SGCE: variants seen among roughly 807,000 people sequenced by gnomAD.
The protein encoded by SGCE is epsilon-sarcoglycan.
A neutral mutation model predicts 57.8 loss-of-function variants in SGCE; 26 were observed. That is an observed-to-expected ratio of 0.45 (90% CI 0.33 to 0.62). The LOEUF (loss-of-function observed/expected upper bound fraction) is 0.62, where lower values mean the gene tolerates loss of function less well. Among genes scored for constraint, SGCE ranks in the 20% least tolerant of loss-of-function variants. The probability of loss-of-function intolerance (pLI) is 0.02; values close to 1 mark genes in which losing one functional copy is unlikely to be tolerated. For missense variants in SGCE, 468 were observed against 548.6 expected (o/e 0.85, Z 1.47); for synonymous variants, 183 against 189.5 (o/e 0.97, Z 0.28).
chr7:94,641,362 A>T (rs917461212), intron 1 of SGCE, among the ~76,000 whole-genome samples: 4 of 152,366 alleles, frequency 2.6e-5, no homozygotes, highest in East Asian at 3.9e-4. Flanking sequence ...TGGTCAGAAT[A>T]GGGAAGCAAA....
intron 5 of SGCE, among the ~76,000 whole-genome samples, chr7:94,608,960 C>A (rs752082573): frequency 5.9e-5 from 9 of 152,068 alleles, no homozygotes; most frequent in Non-Finnish European, 1.0e-4. Context: ...AACTATGAAA[C>A]TTCTAGAAGA....
chr7:94,586,078 A>AC (rs1271543982), intron 10 of SGCE, among the ~76,000 whole-genome samples: 21 of 150,324 alleles, frequency 1.4e-4, no homozygotes, highest in Non-Finnish European at 2.4e-4. Flanking sequence ...AAAAAAAAAA[A>AC]AAAAAAAAAC....
At chr7:94,628,155 C>CACACAT (rs936683964) in intron 3 of SGCE, 47 bp downstream of exon 3, 1 of 1,440,116 alleles carries the variant, frequency 6.9e-7, no homozygotes, top group African/African-American at 1.4e-5. Flanking sequence ...CACACACACA[C>CACACAT]ACACACACAT....
chr7:94,629,548 T>A, intron 2 of SGCE, 171 bp downstream of exon 2: 1 of 639,464 alleles, frequency 1.6e-6, no homozygotes, highest in Non-Finnish European at 2.7e-6. Context: ...ATTATTTTTG[T>A]CTGTAATTAA....
intron 6 of SGCE, among the ~76,000 whole-genome samples, chr7:94,602,638 T>C (rs1156454837): frequency 1.3e-5 from 2 of 151,284 alleles, no homozygotes; most frequent in Non-Finnish European, 2.9e-5. Context: ...GATAACAGGA[T>C]CAAAATATTA....
At chr7:94,599,613 C>T (rs950179597) in intron 8 of SGCE, 84 bp downstream of exon 8, 2 of 1,033,606 alleles carry the variant, frequency 1.9e-6, no homozygotes, top group African/African-American at 3.2e-5. Context: ...TGAAAAAAAG[C>T]TTGACACACA....
intron 5 of SGCE, among the ~76,000 whole-genome samples, chr7:94,611,461 G>C (rs915383304): frequency 1.5e-5 from 2 of 131,862 alleles, no homozygotes; most frequent in South Asian, 5.1e-4. Context: ...GAGACAGCAA[G>C]TTCCTTAGTG....
Position 94,627,005 on chromosome 7 carries a change from T to C in SGCE, c.390+1197A>G, listed in dbSNP as rs144801122. The C allele has an allele frequency of 1.4e-4, 21 of 152,206 alleles. No individual in the cohort carries two copies. The East Asian group carries it at 3.9e-3, about 28-fold the overall frequency. 9.4% of individuals were successfully genotyped at this position (152,206 alleles called of 1,614,324 possible). A position where few individuals can be genotyped will look rare whatever the true frequency, so the allele number is the denominator to read the frequency against. On this transcript the variant is annotated intron_variant, in intron 3 of 10. Transcript: ENST00000648936. Reference sequence around the variant, plus strand: ...TGGTGAATTGCATTTATATATTTCTTTTATAACTTTTACTGAATATTTAAA... The same window carrying C: ...TGGTGAATTGCATTTATATATTTCTCTTATAACTTTTACTGAATATTTAAA...
At chr7:94,644,714 C>G in intron 1 of SGCE, 1 of 946,800 alleles carries the variant, frequency 1.1e-6, no homozygotes, top group Non-Finnish European at 1.5e-6. Flanking sequence ...GGTTATATAG[C>G]TCACGTGTCC....
intron 8 of SGCE, 143 bp downstream of exon 8, chr7:94,599,554 T>G: frequency 4.2e-6 from 3 of 721,304 alleles, no homozygotes; most frequent in Non-Finnish European, 7.3e-6. Flanking sequence ...ATATCTCTAT[T>G]TAGAAAGCAG....
chr7:94,622,260 T>A (rs1392411342), intron 4 of SGCE: 1 of 152,120 alleles, frequency 6.6e-6, no homozygotes, highest in African/African-American at 2.4e-5. Context: ...AGGGAAAAAA[T>A]TCTGGATCAG....
chr7:94,588,650 T>G (rs377567815), intron 10 of SGCE, 39 bp downstream of exon 10: 1 of 1,572,092 alleles, frequency 6.4e-7, no homozygotes, highest in Non-Finnish European at 8.7e-7. Flanking sequence ...ATCTATTAGA[T>G]TCATTCATAA....
rs374081352 is a variant in SGCE, at chr7:94,595,015, AT to A, written c.1253+3759del. ...TGAATCAGAGATCCTTCTGAGGTCAATGACCGACACTATCTATCCCTGCCTA... is the reference window on the plus strand; with the variant it reads ...TGAATCAGAGATCCTTCTGAGGTCAAGACCGACACTATCTATCCCTGCCTA... On this transcript the variant is annotated intron_variant, in intron 9 of 10. Coordinates refer to ENST00000648936, the MANE Select transcript of SGCE (RefSeq NM_003919.3). Among the ~76,000 whole-genome samples the A allele has an allele frequency of 2.7e-3, 408 of 152,264 alleles. 1 individual carries two copies. The highest frequency in any genetic ancestry group is 9.6e-3 in the African/African-American group (399 of 41,564).
chr7:94,606,440 T>A (rs1490490176), intron 5 of SGCE, among the ~76,000 whole-genome samples: 1 of 152,188 alleles, frequency 6.6e-6, no homozygotes, highest in Non-Finnish European at 1.5e-5. Flanking sequence ...CACTCCTTAA[T>A]GTGTATATGC....
At chr7:94,614,107 C>CAA (rs925650428) in intron 5 of SGCE, among the ~76,000 whole-genome samples, 1,536 of 94,396 alleles carry the variant, frequency 0.016, 19 homozygotes, top group African/African-American at 0.039. Context: ...AAATTGAAAT[C>CAA]AAAAAAAAAA....
chr7:94,627,290 A>G (rs901913664), intron 3 of SGCE: 1 of 152,036 alleles, frequency 6.6e-6, no homozygotes, highest in African/African-American at 2.4e-5. Context: ...TCATTTTTTT[A>G]AAGTATTGTA....
intron 1 of SGCE, among the ~76,000 whole-genome samples, chr7:94,635,647 T>C (rs890212353): frequency 3.3e-5 from 5 of 152,250 alleles, no homozygotes; most frequent in African/African-American, 7.2e-5. Context: ...TCCTTTCTAA[T>C]TTATTTTTTT....
At chr7:94,611,198 A>G (rs1245117656) in intron 5 of SGCE, among the ~76,000 whole-genome samples, 1 of 152,230 alleles carries the variant, frequency 6.6e-6, no homozygotes, top group African/African-American at 2.4e-5. Flanking sequence ...TTGTACATGA[A>G]TGTTCACAAT....
rs922188754 is a variant in SGCE at position 94,619,274 on chromosome 7, C to T, written c.464-318G>A. 7 of 221,330 alleles carry T rather than the reference C, an allele frequency of 3.2e-5. No homozygotes were observed. In the Admixed American group the frequency reaches 3.2e-4, roughly 10 times the overall value. 13.7% of individuals were successfully genotyped at this position (221,330 alleles called of 1,614,324 possible). A position where few individuals can be genotyped will look rare whatever the true frequency, so the allele number is the denominator to read the frequency against. On this transcript the variant is annotated intron_variant, in intron 4 of 10. Transcript: ENST00000648936. ...ATTTTAAATTTATAATATTACTGAT[C>T]TTTTGGGGAGCATGCTAAAATATTA...
Sources: allele counts gnomAD v4.1 joint callset (sites outside exome capture counted in the v4.1 genomes callset), GRCh38; gene constraint gnomAD v4.1.1; transcripts MANE v1.5; gene names NCBI Gene and HGNC (gene_info 2026-07-23, HGNC 2026-07-21).